Variants in GRM8 observed in about 807,000 individuals in gnomAD.
The protein encoded by GRM8 is metabotropic glutamate receptor 8.
In GRM8, 47 loss-of-function variants were observed where a neutral mutation model predicts 87.2. That is an observed-to-expected ratio of 0.54 (90% CI 0.43 to 0.69). The LOEUF (loss-of-function observed/expected upper bound fraction) is 0.69, where lower values mean the gene tolerates loss of function less well. Among genes scored for constraint, GRM8 ranks in the 30% least tolerant of loss-of-function variants. The pLI is 0.00. For missense variants in GRM8, 1,019 were observed against 1,139.2 expected, an observed-to-expected ratio of 0.89 and a Z score of 1.52; for synonymous variants, 396 against 404.5, an observed-to-expected ratio of 0.98 and a Z score of 0.25.
intron 7 of GRM8, among the ~76,000 whole-genome samples, chr7:126,716,882 G>A (rs751385524): frequency 1.3e-5 from 2 of 152,094 alleles, no homozygotes; most frequent in Admixed American, 6.6e-5. Flanking sequence ...TCTCTAAGAG[G>A]CCAGCATGCT....
intron 3 of GRM8, among the ~76,000 whole-genome samples, chr7:127,008,235 A>G (rs10242944): frequency 0.096 from 14,561 of 152,094 alleles, 764 homozygotes; most frequent in Middle Eastern, 0.12. Flanking sequence ...ATATCCAGCC[A>G]GGGTTGAACA....
At chr7:126,788,420 A>AAAAAAAAACAAAAAAAAAAAAAAC in intron 6 of GRM8, among the ~76,000 whole-genome samples, 1 of 81,128 alleles carries the variant, frequency 1.2e-5, no homozygotes, top group African/African-American at 4.6e-5. Context: ...AAAAAAAAAA[A>AAAAAAAAACAAAAAAAAAAAAAAC]AAACCCTTTC....
intron 6 of GRM8, among the ~76,000 whole-genome samples, chr7:126,788,420 A>AAAAAAAAAAAAAACAAAAAAC: frequency 1.6e-4 from 13 of 81,128 alleles, no homozygotes; most frequent in African/African-American, 5.0e-4. Flanking sequence ...AAAAAAAAAA[A>AAAAAAAAAAAAAACAAAAAAC]AAACCCTTTC....
chr7:126,783,035 C>G (rs1820249070), intron 6 of GRM8, among the ~76,000 whole-genome samples: 1 of 152,176 alleles, frequency 6.6e-6, no homozygotes, highest in Admixed American at 6.5e-5. Flanking sequence ...TATCAGACAT[C>G]TTCAGGGATG....
At chr7:126,802,593 G>T (rs1822840577) in intron 6 of GRM8, among the ~76,000 whole-genome samples, 1 of 152,160 alleles carries the variant, frequency 6.6e-6, no homozygotes, top group Non-Finnish European at 1.5e-5. Context: ...AGGGCATTTT[G>T]ATAAGTGGAA....
chr7:127,241,546 C>A (rs916385807), intron 2 of GRM8, among the ~76,000 whole-genome samples: 1 of 151,626 alleles, frequency 6.6e-6, no homozygotes, highest in Non-Finnish European at 1.5e-5. Context: ...CGATTCTCCT[C>A]CCTCAGCCTC....
chr7:126,862,807 T>C (rs1356576923), intron 6 of GRM8, among the ~76,000 whole-genome samples: 1 of 152,130 alleles, frequency 6.6e-6, no homozygotes, highest in African/African-American at 2.4e-5. Flanking sequence ...AATGATATCT[T>C]TTTTTATTTC....
intron 2 of GRM8, among the ~76,000 whole-genome samples, chr7:127,235,970 C>T (rs897833812): frequency 9.5e-6 from 1 of 105,392 alleles, no homozygotes; most frequent in Non-Finnish European, 2.1e-5. Context: ...TCCTTTCATA[C>T]TATGTATTGC....
rs557977433 is a variant in GRM8 at position 126,776,791 on chromosome 7, T to C, written c.1157-6726A>G. 9.2e-5 allele frequency among the ~76,000 whole-genome samples: 14 copies of C among 152,246 alleles called. 1 individual carries two copies. Among genetic ancestry groups the C allele is most frequent in the African/African-American group, 3.4e-4 (14 of 41,554 alleles). ...TCTCTGGCTTTTGGTTACTTCTCAG[T>C]AAAAATTAGAGAACTGAACAAGATG... On this transcript the variant is annotated intron_variant, in intron 6 of 10. Coordinates refer to ENST00000339582, the MANE Select transcript of GRM8 (RefSeq NM_000845.3).
At chr7:126,821,589 A>T (rs1361799244) in intron 6 of GRM8, among the ~76,000 whole-genome samples, 1 of 152,200 alleles carries the variant, frequency 6.6e-6, no homozygotes, top group African/African-American at 2.4e-5. Flanking sequence ...AGCTCTCCTC[A>T]GCTTCATATT....
chr7:127,015,184 GAAGAAGAAGAAGAAGAAGA>G (rs1815468895), intron 3 of GRM8, among the ~76,000 whole-genome samples: 2,211 of 45,142 alleles, frequency 0.049, 164 homozygotes, highest in African/African-American at 0.055. Flanking sequence ...AGGAGAAGAA[GAAGAAGAAGAAGAAGAAGA>G]AGAAGAAGAA....
chr7:127,071,272 T>C (rs1821656361), intron 3 of GRM8, among the ~76,000 whole-genome samples: 1 of 152,230 alleles, frequency 6.6e-6, no homozygotes, highest in Non-Finnish European at 1.5e-5. Flanking sequence ...ACAAAAGATT[T>C]GAAAAAATGT....
chr7:127,090,370 T>C (rs542305355), intron 3 of GRM8, among the ~76,000 whole-genome samples: 1 of 152,308 alleles, frequency 6.6e-6, no homozygotes, highest in Admixed American at 6.5e-5. Context: ...GAGTCATGAC[T>C]CAATAGCAGA....
intron 3 of GRM8, among the ~76,000 whole-genome samples, chr7:127,012,941 G>A (rs1815042578): frequency 6.6e-6 from 1 of 152,130 alleles, no homozygotes; most frequent in African/African-American, 2.4e-5. Context: ...GCAGCCAGAA[G>A]GGGAAACACT....
At chr7:127,074,759 A>C (rs978188426) in intron 3 of GRM8, among the ~76,000 whole-genome samples, 1 of 152,156 alleles carries the variant, frequency 6.6e-6, no homozygotes, top group African/African-American at 2.4e-5. Flanking sequence ...CCCTTTTAAA[A>C]GCTAGACTGA....
At chr7:126,750,741 T>C (rs1365777898) in intron 7 of GRM8, among the ~76,000 whole-genome samples, 8 of 152,164 alleles carry the variant, frequency 5.3e-5, no homozygotes, top group African/African-American at 1.9e-4. Flanking sequence ...AGAACTAGTC[T>C]GACTCTATTA....
At chr7:127,149,348 T>A (rs1304284413) in intron 2 of GRM8, among the ~76,000 whole-genome samples, 3 of 151,762 alleles carry the variant, frequency 2.0e-5, no homozygotes, top group Non-Finnish European at 4.4e-5. Context: ...GAAATGAAAA[T>A]CAAAACCACC....
intron 3 of GRM8, among the ~76,000 whole-genome samples, chr7:126,957,326 T>C (rs1201339377): frequency 6.6e-6 from 1 of 152,212 alleles, no homozygotes; most frequent in Non-Finnish European, 1.5e-5. Context: ...GCAGCCTGTC[T>C]GGAGCAGCTG....
intron 8 of GRM8, among the ~76,000 whole-genome samples, chr7:126,550,328 G>A (rs1387006657): frequency 1.3e-5 from 2 of 151,848 alleles, no homozygotes; most frequent in Non-Finnish European, 1.5e-5. Flanking sequence ...TGGCCAGGAT[G>A]GTCTCAATCT....
Sources: gnomAD v4.1 joint callset for allele counts (sites outside exome capture counted in the v4.1 genomes callset) on GRCh38, gnomAD v4.1.1 for gene constraint, MANE v1.5 for transcripts, NCBI Gene and HGNC (gene_info 2026-07-23, HGNC 2026-07-21) for gene names.